The following MARCHF1 variants were observed in gnomAD, a reference collection of about 807,000 sequenced individuals.
MARCHF1 encodes the protein E3 ubiquitin-protein ligase MARCHF1.
A neutral mutation model predicts 54.2 loss-of-function variants in MARCHF1; 40 were observed. The ratio of observed to expected loss-of-function variants is 0.74; its 90% CI spans 0.57 to 0.96. The LOEUF (loss-of-function observed/expected upper bound fraction) is 0.96, where lower values mean the gene tolerates loss of function less well. MARCHF1 is among the 40% of genes least tolerant of loss of function. The pLI, the probability that MARCHF1 is intolerant of heterozygous loss-of-function variation, is 0.00. For synonymous variants in MARCHF1, 236 were observed against 236.3 expected, an observed-to-expected ratio of 1.00 and a Z score of 0.01; for missense variants, 586 against 656.5, an observed-to-expected ratio of 0.89 and a Z score of 1.17.
chr4:163,524,562 T>G (rs1357025602), downstream of MARCHF1: 1 of 152,180 alleles, frequency 6.6e-6, no homozygotes, highest in East Asian at 1.9e-4. Context: ...GTTTGTGTAT[T>G]TATTTATTTG....
At chr4:163,871,485 G>C (rs1307240250) in intron 3 of MARCHF1, among the ~76,000 whole-genome samples, 1 of 152,068 alleles carries the variant, frequency 6.6e-6, no homozygotes. Flanking sequence ...GTGCTGTGTG[G>C]GGTTCACTCA....
intron 3 of MARCHF1, among the ~76,000 whole-genome samples, chr4:163,968,475 T>A (rs1752486474): frequency 6.6e-6 from 1 of 152,154 alleles, no homozygotes; most frequent in South Asian, 2.1e-4. Flanking sequence ...TCTCGAAAAC[T>A]CAGAAAAATC....
chr4:163,896,088 A>G (rs1413540966), intron 3 of MARCHF1, among the ~76,000 whole-genome samples: 1 of 152,216 alleles, frequency 6.6e-6, no homozygotes, highest in African/African-American at 2.4e-5. Flanking sequence ...CCCTCTGATT[A>G]CACTTTCATT....
intron 3 of MARCHF1, among the ~76,000 whole-genome samples, chr4:163,857,150 T>C (rs1749791731): frequency 6.7e-6 from 1 of 150,036 alleles, no homozygotes; most frequent in Non-Finnish European, 1.5e-5. Flanking sequence ...TAAATCCCTG[T>C]TGGTAAGGGA....
At chr4:164,144,708 A>G (rs968413498) in intron 1 of MARCHF1, among the ~76,000 whole-genome samples, 8 of 126,670 alleles carry the variant, frequency 6.3e-5, no homozygotes, top group South Asian at 2.7e-4. Flanking sequence ...ACATGCCCAC[A>G]AGAGAAAGCA....
At chr4:164,339,125 T>C (rs544740720) in intron 1 of MARCHF1, among the ~76,000 whole-genome samples, 18 of 152,274 alleles carry the variant, frequency 1.2e-4, no homozygotes, top group African/African-American at 4.3e-4. Context: ...GCAATATTAG[T>C]AGGAAACGTT....
chr4:164,079,678 G>A (rs1755054846), intron 2 of MARCHF1, among the ~76,000 whole-genome samples: 2 of 151,960 alleles, frequency 1.3e-5, no homozygotes, highest in African/African-American at 4.8e-5. Context: ...TTCTTAAAAT[G>A]ATTTGTGTAA....
intron 1 of MARCHF1, among the ~76,000 whole-genome samples, chr4:164,318,704 T>C (rs1233949149): frequency 1.3e-5 from 2 of 152,212 alleles, no homozygotes; most frequent in African/African-American, 2.4e-5. Context: ...TATGTGGCTA[T>C]TGTTAAATGC....
intron 2 of MARCHF1, among the ~76,000 whole-genome samples, chr4:164,010,419 C>A (rs563785418): frequency 1.3e-4 from 19 of 151,946 alleles, no homozygotes; most frequent in South Asian, 6.2e-4. Flanking sequence ...AACTAATAAA[C>A]AAATTCAGTA....
chr4:164,033,095 AC>A (rs1753912971), intron 2 of MARCHF1, among the ~76,000 whole-genome samples: 1 of 151,430 alleles, frequency 6.6e-6, no homozygotes. Flanking sequence ...GGTCGTTTGA[AC>A]CCGGGAGGCA....
chr4:164,107,287 T>A (rs1393375142), intron 2 of MARCHF1, among the ~76,000 whole-genome samples: 1 of 152,164 alleles, frequency 6.6e-6, no homozygotes, highest in African/African-American at 2.4e-5. Flanking sequence ...TTAACAACAT[T>A]AAGCACATAT....
At chr4:163,813,876 C>G (rs1373451201) in intron 4 of MARCHF1, among the ~76,000 whole-genome samples, 2 of 152,118 alleles carry the variant, frequency 1.3e-5, no homozygotes, top group Non-Finnish European at 2.9e-5. Context: ...GGTCCAGGGT[C>G]TAAAACCCCT....
intron 2 of MARCHF1, among the ~76,000 whole-genome samples, chr4:164,037,178 A>T (rs1361216046): frequency 6.6e-6 from 1 of 152,152 alleles, no homozygotes; most frequent in Non-Finnish European, 1.5e-5. Context: ...TCTAATGGAT[A>T]TTCAAGCAGA....
At chr4:164,321,024 T>C (rs2110761471) in intron 1 of MARCHF1, among the ~76,000 whole-genome samples, 1 of 152,226 alleles carries the variant, frequency 6.6e-6, no homozygotes. Context: ...ATTTGGTGAA[T>C]ACAGGGGATC....
chr4:163,719,084 G>A (rs1745355956), intron 4 of MARCHF1, among the ~76,000 whole-genome samples: 1 of 152,104 alleles, frequency 6.6e-6, no homozygotes, highest in Non-Finnish European at 1.5e-5. Flanking sequence ...ACCATGTGCA[G>A]GTTTGTTACA....
intron 4 of MARCHF1, among the ~76,000 whole-genome samples, chr4:163,753,973 C>A (rs1419592551): frequency 6.6e-6 from 1 of 152,062 alleles, no homozygotes; most frequent in Non-Finnish European, 1.5e-5. Context: ...CAAAGGACTA[C>A]CAGAAATAAC....
intron 2 of MARCHF1, among the ~76,000 whole-genome samples, chr4:164,014,249 G>A (rs954651859): frequency 2.0e-5 from 3 of 151,580 alleles, no homozygotes; most frequent in African/African-American, 7.3e-5. Context: ...GGACAGGGTG[G>A]AATAAAAAAG....
chr4:163,695,742 C>T (rs1185194336), intron 5 of MARCHF1, among the ~76,000 whole-genome samples: 1 of 152,066 alleles, frequency 6.6e-6, no homozygotes, highest in African/African-American at 2.4e-5. Flanking sequence ...CCGTTCTTTC[C>T]TTTTGACAGT....
Position 163,612,512 on chromosome 4 carries a change from A to T in MARCHF1, c.769T>A (p.Ser257Thr), listed in dbSNP as rs1741376612. 6.5e-7 allele frequency: 1 copy of T among 1,535,034 alleles called. No homozygotes were observed. Among genetic ancestry groups the T allele is most frequent in the Non-Finnish European group, 8.7e-7 (1 of 1,146,462 alleles). ...TTGCTCTTCTCATGATTCCTTGAGG[A>T]TCTCTTAATTTCAGAGGACCCTTGA... ...LTQGSSEIKR[S>T]SRNHEKSKGR... The change falls in exon 7 of 10, where the codon TCC (serine) becomes ACC (threonine). Residue 257 changes from serine to threonine, a missense_variant. Around this residue, in one of 3 missense-constraint regions of MARCHF1, gnomAD observed 387 missense variants for 394.6 expected, o/e 0.98. Coordinates refer to ENST00000514618, the MANE Select transcript of MARCHF1 (RefSeq NM_001394959.1).
Sources: gnomAD v4.1 joint callset for allele counts (sites outside exome capture counted in the v4.1 genomes callset) on GRCh38, gnomAD v4.1.1 for gene constraint, gnomAD v4.1.1 regional missense constraint, MANE v1.5 for transcripts, NCBI Gene and HGNC (gene_info 2026-07-23, HGNC 2026-07-21) for gene names.